The following B3GALT1 variants were observed in gnomAD, a reference collection of about 807,000 sequenced individuals.
B3GALT1 encodes the protein UDP-Gal:betaGlcNAc beta 1,3-galactosyltransferase, polypeptide 1.
Under a neutral mutation model 23.2 loss-of-function variants are expected in B3GALT1, and 10 were observed. The observed-to-expected ratio is 0.43, with a 90% CI of 0.27 to 0.73. The LOEUF is 0.73. B3GALT1 is among the 30% of genes least tolerant of loss of function. The probability of loss-of-function intolerance (pLI) is 0.21; values close to 1 mark genes in which losing one functional copy is unlikely to be tolerated. For synonymous variants in B3GALT1, 156 were observed against 141.5 expected, an observed-to-expected ratio of 1.10 and a Z score of -0.73; for missense variants, 299 against 405.4, an observed-to-expected ratio of 0.74 and a Z score of 2.25.
At chr2:167,399,129 C>T (rs2105287825) in intron 1 of B3GALT1, among the ~76,000 whole-genome samples, 1 of 152,280 alleles carries the variant, frequency 6.6e-6, no homozygotes, top group East Asian at 1.9e-4. Flanking sequence ...AGCAGTGGTG[C>T]AGGTGGCTTC....
At chr2:167,690,602 T>C (rs941377632) in intron 3 of B3GALT1, among the ~76,000 whole-genome samples, 1 of 152,136 alleles carries the variant, frequency 6.6e-6, no homozygotes, top group African/African-American at 2.4e-5. Context: ...GACTCCATTT[T>C]CAAACAATTC....
At chr2:167,619,663 C>T (rs1010646067) in intron 2 of B3GALT1, among the ~76,000 whole-genome samples, 41 of 152,038 alleles carry the variant, frequency 2.7e-4, no homozygotes, top group African/African-American at 8.7e-4. Context: ...TCTTTTATGG[C>T]AATTCTACCA....
intron 3 of B3GALT1, among the ~76,000 whole-genome samples, chr2:167,721,326 T>C (rs1687229490): frequency 6.6e-6 from 1 of 152,192 alleles, no homozygotes; most frequent in South Asian, 2.1e-4. Flanking sequence ...GGGAAACCAT[T>C]TGTGAGCAAT....
intron 4 of B3GALT1, among the ~76,000 whole-genome samples, chr2:167,845,262 G>A (rs551455740): frequency 2.0e-5 from 3 of 152,098 alleles, no homozygotes; most frequent in African/African-American, 4.8e-5. Context: ...TCTGGAAAGC[G>A]CCACCTCCTG....
chr2:167,677,518 A>T (rs1015716448), intron 3 of B3GALT1, among the ~76,000 whole-genome samples: 1 of 152,206 alleles, frequency 6.6e-6, no homozygotes. Context: ...GCTGACCTCA[A>T]GATTCATGAA....
chr2:167,691,375 A>G (rs998167898), intron 3 of B3GALT1, among the ~76,000 whole-genome samples: 4 of 152,170 alleles, frequency 2.6e-5, no homozygotes, highest in Non-Finnish European at 5.9e-5. Flanking sequence ...TTTGCTCACA[A>G]CTAACATTGA....
chr2:167,703,984 T>G (rs12467475), intron 3 of B3GALT1, among the ~76,000 whole-genome samples: 5 of 151,768 alleles, frequency 3.3e-5, no homozygotes, highest in Admixed American at 2.0e-4. Flanking sequence ...GATCAAGACC[T>G]TCCTGGCTAA....
chr2:167,856,489 T>G (rs1372468887), intron 4 of B3GALT1, among the ~76,000 whole-genome samples: 1 of 152,004 alleles, frequency 6.6e-6, no homozygotes, highest in East Asian at 1.9e-4. Flanking sequence ...AGCACTGGTT[T>G]GGAGGCTGCA....
intron 1 of B3GALT1, among the ~76,000 whole-genome samples, chr2:167,417,207 G>T (rs995779521): frequency 2.0e-5 from 3 of 152,228 alleles, no homozygotes; most frequent in African/African-American, 4.8e-5. Flanking sequence ...AGGTGATTGG[G>T]TCATGAGCAC....
chr2:167,502,995 C>T (rs866347328), intron 2 of B3GALT1, among the ~76,000 whole-genome samples: 25 of 152,190 alleles, frequency 1.6e-4, no homozygotes, highest in Admixed American at 6.5e-4. Context: ...GCCGAGATCA[C>T]GGCATTGTAC....
intron 3 of B3GALT1, among the ~76,000 whole-genome samples, chr2:167,775,121 A>G (rs1553486348): frequency 6.6e-6 from 1 of 152,162 alleles, no homozygotes; most frequent in Non-Finnish European, 1.5e-5. Context: ...ATAAATATAT[A>G]TTTTCAGACA....
intron 2 of B3GALT1, among the ~76,000 whole-genome samples, chr2:167,535,693 A>G (rs1227128): frequency 0.58 from 88,020 of 152,000 alleles, 29,423 homozygotes; most frequent in East Asian, 0.99. Flanking sequence ...CATTAATTAC[A>G]TTTTCAGAGT....
chr2:167,599,136 T>C (rs1311574929), intron 2 of B3GALT1, among the ~76,000 whole-genome samples: 1 of 152,222 alleles, frequency 6.6e-6, no homozygotes, highest in Non-Finnish European at 1.5e-5. Flanking sequence ...CAATCCTCAC[T>C]GCTACAGTAA....
Position 167,474,231 on chromosome 2 carries a change from C to T in B3GALT1, c.-510-15946C>T, listed in dbSNP as rs150705627. Among the ~76,000 whole-genome samples the T allele has an allele frequency of 1.4e-4, 21 of 152,250 alleles. No homozygotes were observed. In the East Asian group the frequency reaches 2.1e-3, roughly 15 times the overall value. Reference sequence around the variant, plus strand: ...TTTGACTGACTCTTAGCATAAATTGCCACACTACCAGCTAATTGACTTGAC... The same window carrying T: ...TTTGACTGACTCTTAGCATAAATTGTCACACTACCAGCTAATTGACTTGAC... On this transcript the variant is annotated intron_variant, in intron 1 of 4. Coordinates refer to ENST00000392690, the MANE Select transcript of B3GALT1 (RefSeq NM_020981.4).
intron 3 of B3GALT1, among the ~76,000 whole-genome samples, chr2:167,787,627 A>G (rs1272767259): frequency 2.0e-5 from 3 of 152,210 alleles, no homozygotes; most frequent in African/African-American, 7.2e-5. Context: ...TTCCCCATCC[A>G]TTCTGGACAT....
chr2:167,582,096 C>T (rs1684494443), intron 2 of B3GALT1, among the ~76,000 whole-genome samples: 1 of 151,988 alleles, frequency 6.6e-6, no homozygotes, highest in Admixed American at 6.6e-5. Flanking sequence ...GTTTTTTGGC[C>T]CATCTCCCAG....
At chr2:167,308,265 A>G (rs190243382) in intron 1 of B3GALT1, among the ~76,000 whole-genome samples, 34 of 152,158 alleles carry the variant, frequency 2.2e-4, no homozygotes, top group African/African-American at 7.7e-4. Context: ...CAAGAATTTA[A>G]TACCAGAACC....
chr2:167,423,899 A>G (rs1698585993), intron 1 of B3GALT1, among the ~76,000 whole-genome samples: 1 of 152,164 alleles, frequency 6.6e-6, no homozygotes, highest in East Asian at 1.9e-4. Flanking sequence ...GCCTGGGGAG[A>G]TACTCAATAA....
At chr2:167,569,889 A>C (rs1655625725) in intron 2 of B3GALT1, among the ~76,000 whole-genome samples, 1 of 151,884 alleles carries the variant, frequency 6.6e-6, no homozygotes, top group South Asian at 2.1e-4. Context: ...AATTATGTCA[A>C]ATGATTATAT....
Sources: allele counts gnomAD v4.1 joint callset (sites outside exome capture counted in the v4.1 genomes callset), GRCh38; gene constraint gnomAD v4.1.1; transcripts MANE v1.5; gene names NCBI Gene and HGNC (gene_info 2026-07-23, HGNC 2026-07-21).